TBCA: variants seen among roughly 807,000 people sequenced by gnomAD.
The protein encoded by TBCA is tubulin-specific chaperone A.
In TBCA, 6 loss-of-function variants were observed where a neutral mutation model predicts 15.8. That is an observed-to-expected ratio of 0.38 (90% CI 0.21 to 0.75). TBCA has a LOEUF of 0.75. Among genes scored for constraint, TBCA ranks in the 30% least tolerant of loss-of-function variants. TBCA has a pLI of 0.46. For synonymous variants in TBCA, 32 were observed against 42.3 expected, an observed-to-expected ratio of 0.76 and a Z score of 0.94; for missense variants, 90 against 131.2, an observed-to-expected ratio of 0.69 and a Z score of 1.53.
chr5:77,724,815 T>C (rs186708173), intron 1 of TBCA, among the ~76,000 whole-genome samples: 1 of 152,354 alleles, frequency 6.6e-6, no homozygotes, highest in East Asian at 1.9e-4. Flanking sequence ...AGGAAACGTG[T>C]ACACTAGAGT....
In TBCA at chr5:77,746,414, C is replaced by T. The variant is rs565723051; in HGVS notation, c.53+29791G>A. Among the ~76,000 whole-genome samples the T allele has an allele frequency of 3.9e-5, 6 of 152,066 alleles. No individual in the cohort carries two copies. The East Asian group carries it at 1.2e-3, about 29-fold the overall frequency. On this transcript the variant is annotated intron_variant, in intron 1 of 3. Transcript: ENST00000380377. Reference sequence around the variant, plus strand: ...ATAACATAAAAAGGGTTTATTTTAACTATATAGAAAGTATTCTGGGATAAG... The same window carrying T: ...ATAACATAAAAAGGGTTTATTTTAATTATATAGAAAGTATTCTGGGATAAG...
chr5:77,715,957 G>C (rs921508294), intron 1 of TBCA, among the ~76,000 whole-genome samples: 2 of 151,968 alleles, frequency 1.3e-5, no homozygotes, highest in South Asian at 2.1e-4. Flanking sequence ...CTGAATAAAC[G>C]AACAGTATAT....
At chr5:77,739,740 C>A (rs1430193152) in intron 1 of TBCA, among the ~76,000 whole-genome samples, 1 of 152,126 alleles carries the variant, frequency 6.6e-6, no homozygotes, top group Non-Finnish European at 1.5e-5. Context: ...TTCTTTTGAA[C>A]TACAGTGGCA....
chr5:77,702,438 G>A (rs1029278564), intron 2 of TBCA, among the ~76,000 whole-genome samples: 2 of 152,198 alleles, frequency 1.3e-5, no homozygotes, highest in African/African-American at 4.8e-5. Context: ...GTTACATACT[G>A]TAGATTCCAT....
chr5:77,728,058 A>G (rs556840258), intron 1 of TBCA, among the ~76,000 whole-genome samples: 1 of 152,296 alleles, frequency 6.6e-6, no homozygotes, highest in South Asian at 2.1e-4. Flanking sequence ...AGAAGCAAAG[A>G]TAAATATTTA....
At chr5:77,712,833 A>G (rs903355312) in intron 1 of TBCA, among the ~76,000 whole-genome samples, 5 of 152,176 alleles carry the variant, frequency 3.3e-5, no homozygotes, top group Non-Finnish European at 7.3e-5. Flanking sequence ...TATTATGGAA[A>G]TATACATTAC....
At chr5:77,731,146 G>C (rs1317991985) in intron 1 of TBCA, among the ~76,000 whole-genome samples, 1 of 152,082 alleles carries the variant, frequency 6.6e-6, no homozygotes, top group Non-Finnish European at 1.5e-5. Flanking sequence ...CCTATCAATT[G>C]ACATATTCAC....
intron 1 of TBCA, among the ~76,000 whole-genome samples, chr5:77,726,430 T>A (rs1746632464): frequency 6.6e-6 from 1 of 152,226 alleles, no homozygotes; most frequent in African/African-American, 2.4e-5. Context: ...AAAATCATAT[T>A]CTTTTGAGCT....
At chr5:77,738,747 T>C (rs1746967567) in intron 1 of TBCA, among the ~76,000 whole-genome samples, 1 of 152,152 alleles carries the variant, frequency 6.6e-6, no homozygotes, top group Non-Finnish European at 1.5e-5. Flanking sequence ...CACGCCTGGC[T>C]AATTTTTGTA....
At chr5:77,753,127 A>T (rs996497468) in intron 1 of TBCA, among the ~76,000 whole-genome samples, 25 of 151,800 alleles carry the variant, frequency 1.6e-4, no homozygotes, top group Admixed American at 1.6e-3. Flanking sequence ...AAGAACCCAA[A>T]TTCCCAGTGG....
chr5:77,719,636 C>T (rs1746484260), intron 1 of TBCA, among the ~76,000 whole-genome samples: 2 of 152,078 alleles, frequency 1.3e-5, no homozygotes, highest in Admixed American at 1.3e-4. Flanking sequence ...ATAAGTTAGA[C>T]ATTTTATAAA....
chr5:77,753,824 T>C (rs1747412521), intron 1 of TBCA, among the ~76,000 whole-genome samples: 1 of 152,206 alleles, frequency 6.6e-6, no homozygotes, highest in Non-Finnish European at 1.5e-5. Context: ...AGTGGTGCCA[T>C]CTTGGTTTAC....
At chr5:77,730,443 G>C (rs1746739602) in intron 1 of TBCA, among the ~76,000 whole-genome samples, 1 of 79,140 alleles carries the variant, frequency 1.3e-5, no homozygotes, top group African/African-American at 3.1e-5. Context: ...CCTTGACTTT[G>C]AACTTCTAGC....
intron 1 of TBCA, among the ~76,000 whole-genome samples, chr5:77,762,345 AG>A (rs1747662522): frequency 6.6e-6 from 1 of 152,230 alleles, no homozygotes; most frequent in South Asian, 2.1e-4. Context: ...TAGTTTAAAA[AG>A]ATTAATACGT....
At chr5:77,752,089 A>G (rs1747359156) in intron 1 of TBCA, among the ~76,000 whole-genome samples, 2 of 152,304 alleles carry the variant, frequency 1.3e-5, no homozygotes, top group South Asian at 4.1e-4. Flanking sequence ...GCATCAACCC[A>G]AACAAGCTCC....
chr5:77,765,010 T>C (rs966941279), intron 1 of TBCA, among the ~76,000 whole-genome samples: 9 of 152,200 alleles, frequency 5.9e-5, no homozygotes, highest in Non-Finnish European at 7.4e-5. Context: ...TTTGTTAATT[T>C]ACTTAAAAAT....
At chr5:77,717,939 GAAC>G (rs763762628) in intron 1 of TBCA, among the ~76,000 whole-genome samples, 4 of 151,632 alleles carry the variant, frequency 2.6e-5, no homozygotes, top group African/African-American at 4.9e-5. Flanking sequence ...AGACCAACCT[GAAC>G]AACATGGAGA....
At chr5:77,770,728 TAAA>T (rs200258634) in intron 1 of TBCA, among the ~76,000 whole-genome samples, 2 of 132,480 alleles carry the variant, frequency 1.5e-5, no homozygotes, top group Admixed American at 7.5e-5. Context: ...ATCCAAATCT[TAAA>T]AAAAAAAGAA....
intron 1 of TBCA, among the ~76,000 whole-genome samples, chr5:77,751,321 C>A (rs888529383): frequency 1.3e-5 from 2 of 152,004 alleles, no homozygotes; most frequent in East Asian, 3.9e-4. Context: ...ACCACCACGC[C>A]CAGCTAATTT....
Sources: gnomAD v4.1 joint callset for allele counts (sites outside exome capture counted in the v4.1 genomes callset) on GRCh38, gnomAD v4.1.1 for gene constraint, MANE v1.5 for transcripts, NCBI Gene and HGNC (gene_info 2026-07-23, HGNC 2026-07-21) for gene names.